Variants in RBFOX1 observed in about 807,000 individuals in gnomAD.
RBFOX1 encodes the protein RNA binding fox-1 homolog 1, also known as RNA binding protein fox-1 homolog 1.
A neutral mutation model predicts 57.7 loss-of-function variants in RBFOX1; 8 were observed. The ratio of observed to expected loss-of-function variants is 0.14; its 90% confidence interval spans 0.08 to 0.25. RBFOX1 has a LOEUF of 0.25. RBFOX1 is among the 10% of genes least tolerant of loss of function. RBFOX1 has a pLI of 1.00. For synonymous variants in RBFOX1, 326 were observed against 222.4 expected, an observed-to-expected ratio of 1.47 and a Z score of -4.15; for missense variants, 611 against 548.5, an observed-to-expected ratio of 1.11 and a Z score of -1.14.
At chr16:6,768,853 C>T (rs961375922) in intron 3 of RBFOX1, among the ~76,000 whole-genome samples, 4 of 151,572 alleles carry the variant, frequency 2.6e-5, no homozygotes, top group South Asian at 2.1e-4. Context: ...CTCAGCCTCC[C>T]GAGTAGCTGG....
intron 2 of RBFOX1, among the ~76,000 whole-genome samples, chr16:6,506,641 T>G (rs1416837338): frequency 4.1e-4 from 9 of 21,910 alleles, no homozygotes; most frequent in Admixed American, 2.2e-3. Flanking sequence ...TTTTTTTTTT[T>G]TTTTTTTTTT....
chr16:7,217,103 T>C (rs200549407), intron 4 of RBFOX1, among the ~76,000 whole-genome samples: 1 of 136,916 alleles, frequency 7.3e-6, no homozygotes, highest in East Asian at 2.4e-4. Flanking sequence ...TTTCCTTCCC[T>C]TCCCTTTCCT....
At position 6,106,086 on chromosome 16, in the gene RBFOX1, T is replaced by C. The variant is rs73525994; in HGVS notation, c.-127+86094T>C. On this transcript the variant is annotated intron_variant, in intron 1 of 15. Coordinates refer to ENST00000550418, the MANE Select transcript of RBFOX1 (RefSeq NM_018723.4). The stretch of plus-strand genomic sequence containing the variant: ...TTCTCCATTTTCCTTCAATGGCTCT[T>C]AAAAGTAAAATAATTGGCTCCAGGT... Among the ~76,000 whole-genome samples the C allele has an allele frequency of 4.3e-3, 659 of 152,216 alleles. 3 individuals carry two copies. The highest frequency in any genetic ancestry group is 0.015 in the African/African-American group (631 of 41,530).
At chr16:6,554,725 GACACACACACACAC>G (rs34699308) in intron 2 of RBFOX1, among the ~76,000 whole-genome samples, 13 of 148,164 alleles carry the variant, frequency 8.8e-5, no homozygotes, top group East Asian at 6.0e-4. Flanking sequence ...AGTAGACACA[GACACACACACACAC>G]ACACACACAC....
chr16:7,405,093 G>A (rs2098315632), intron 4 of RBFOX1, among the ~76,000 whole-genome samples: 1 of 152,172 alleles, frequency 6.6e-6, no homozygotes, highest in Non-Finnish European at 1.5e-5. Flanking sequence ...CAGGTTGCAG[G>A]GTGATTCTTG....
chr16:7,216,855 T>A (rs911570529), intron 4 of RBFOX1, among the ~76,000 whole-genome samples: 3 of 152,112 alleles, frequency 2.0e-5, no homozygotes, highest in African/African-American at 7.2e-5. Context: ...CAAGTTCTAG[T>A]CATTTATTCA....
At chr16:6,390,640 A>G in intron 2 of RBFOX1, among the ~76,000 whole-genome samples, 1 of 152,184 alleles carries the variant, frequency 6.6e-6, no homozygotes, top group East Asian at 1.9e-4. Flanking sequence ...AGTTGATGCG[A>G]CAGTATATGG....
chr16:6,795,670 G>A lies in RBFOX1; in HGVS notation c.-16+141020G>A, dbSNP rs546048258. ...AATCCCAGCTACTTGGGAGGCTGAG[G>A]CAGGAGAATCGCTTGAAACCAGAAG... On this transcript the variant is annotated intron_variant, in intron 3 of 15. Coordinates refer to ENST00000550418, the MANE Select transcript of RBFOX1 (RefSeq NM_018723.4). Among the ~76,000 whole-genome samples, 53 of 152,022 alleles carry A rather than the reference G, an allele frequency of 3.5e-4. 1 individual carries two copies. In the South Asian group the frequency reaches 0.011, roughly 32 times the overall value.
chr16:5,507,270 C>T (rs1057099884), intron 2 of RBFOX1, among the ~76,000 whole-genome samples: 1 of 152,114 alleles, frequency 6.6e-6, no homozygotes, highest in African/African-American at 2.4e-5. Flanking sequence ...ATACCATTTG[C>T]CATGATTGGA....
chr16:5,818,101 C>T (rs749362384), intron 3 of RBFOX1, among the ~76,000 whole-genome samples: 1 of 152,156 alleles, frequency 6.6e-6, no homozygotes, highest in African/African-American at 2.4e-5. Flanking sequence ...ACTTTATCCC[C>T]ATTCTGATCA....
chr16:5,289,115 A>G (rs1263292811), intron 1 of RBFOX1: 11 of 187,132 alleles, frequency 5.9e-5, no homozygotes, highest in Non-Finnish European at 2.3e-5. Flanking sequence ...ACAGAGGAAG[A>G]CTCTGTCTCA....
chr16:5,556,644 G>A (rs1030941346), intron 2 of RBFOX1, among the ~76,000 whole-genome samples: 8 of 152,290 alleles, frequency 5.3e-5, no homozygotes, highest in Middle Eastern at 3.4e-3. Context: ...GAGAACCAGC[G>A]GCTGCAGACT....
At chr16:5,749,608 C>A (rs2053117596) in intron 3 of RBFOX1, among the ~76,000 whole-genome samples, 1 of 152,172 alleles carries the variant, frequency 6.6e-6, no homozygotes, top group Non-Finnish European at 1.5e-5. Flanking sequence ...CGCTTCATTT[C>A]ATTCATTTGA....
chr16:6,136,781 T>C (rs1429984761), intron 1 of RBFOX1, among the ~76,000 whole-genome samples: 3 of 152,218 alleles, frequency 2.0e-5, no homozygotes, highest in African/African-American at 7.2e-5. Flanking sequence ...TGGCTTTCCA[T>C]ACACAGAGAA....
intron 3 of RBFOX1, among the ~76,000 whole-genome samples, chr16:6,957,900 C>G (rs1598373843): frequency 6.6e-6 from 1 of 152,146 alleles, no homozygotes; most frequent in South Asian, 2.1e-4. Flanking sequence ...TGGCCCCTCC[C>G]TTTTCCATGC....
chr16:6,766,459 C>A (rs950928527), intron 3 of RBFOX1, among the ~76,000 whole-genome samples: 2 of 151,710 alleles, frequency 1.3e-5, no homozygotes, highest in Non-Finnish European at 2.9e-5. Context: ...AGTCACATGC[C>A]CTTCTTCATT....
At chr16:6,664,245 A>G (rs1378675165) in intron 3 of RBFOX1, among the ~76,000 whole-genome samples, 2 of 152,136 alleles carry the variant, frequency 1.3e-5, no homozygotes, top group Admixed American at 6.5e-5. Flanking sequence ...TTCATTCTGC[A>G]TTTTACATCC....
At chr16:7,608,202 C>T (rs1568068616) in intron 10 of RBFOX1, among the ~76,000 whole-genome samples, 1 of 152,168 alleles carries the variant, frequency 6.6e-6, no homozygotes. Context: ...CCCTTAGTAA[C>T]CTCTTGACGG....
At chr16:6,587,690 A>G (rs2097649400) in intron 2 of RBFOX1, among the ~76,000 whole-genome samples, 1 of 152,194 alleles carries the variant, frequency 6.6e-6, no homozygotes, top group African/African-American at 2.4e-5. Context: ...AGTGTAAAAA[A>G]CAGAGAGATG....
Sources: gnomAD v4.1 joint callset for allele counts (sites outside exome capture counted in the v4.1 genomes callset) on GRCh38, gnomAD v4.1.1 for gene constraint, MANE v1.5 for transcripts, NCBI Gene and HGNC (gene_info 2026-07-23, HGNC 2026-07-21) for gene names.